Variants in PRKG1 observed in about 807,000 individuals in gnomAD.
PRKG1 encodes the protein cGMP-dependent protein kinase 1.
Under a neutral mutation model 88.1 loss-of-function variants are expected in PRKG1, and 35 were observed. The ratio of observed to expected loss-of-function variants is 0.40; its 90% CI spans 0.30 to 0.53. The LOEUF (loss-of-function observed/expected upper bound fraction) is 0.53, where lower values mean the gene tolerates loss of function less well. Ranked by LOEUF, PRKG1 falls within the 20% of genes least tolerant of loss-of-function variation. PRKG1 has a pLI of 0.59. For synonymous variants in PRKG1, 303 were observed against 292.5 expected, an observed-to-expected ratio of 1.04 and a Z score of -0.37; for missense variants, 540 against 839.8, an observed-to-expected ratio of 0.64 and a Z score of 4.41.
At chr10:51,835,550 A>T (rs748882207) in intron 4 of PRKG1, among the ~76,000 whole-genome samples, 2 of 152,198 alleles carry the variant, frequency 1.3e-5, no homozygotes, top group African/African-American at 2.4e-5. Flanking sequence ...AGTAATCCAG[A>T]ATGAAAATAT....
chr10:51,107,038 G>T (rs543576297), intron 1 of PRKG1, among the ~76,000 whole-genome samples: 2 of 152,176 alleles, frequency 1.3e-5, no homozygotes, highest in African/African-American at 4.8e-5. Flanking sequence ...ATTGAGTGGG[G>T]TAAGAGGATG....
intron 8 of PRKG1, among the ~76,000 whole-genome samples, chr10:52,151,292 A>C (rs988521708): frequency 3.9e-5 from 6 of 151,974 alleles, no homozygotes; most frequent in African/African-American, 1.5e-4. Context: ...AAAATTTTTT[A>C]ATAGATAAGA....
chr10:51,293,633 A>G (rs1051141344), intron 2 of PRKG1, among the ~76,000 whole-genome samples: 2 of 152,140 alleles, frequency 1.3e-5, no homozygotes, highest in African/African-American at 4.8e-5. Context: ...ACTGACAGAC[A>G]TTTAGATTAC....
intron 3 of PRKG1, among the ~76,000 whole-genome samples, chr10:51,542,503 CT>C (rs1564542128): frequency 1.3e-5 from 2 of 152,104 alleles, no homozygotes; most frequent in African/African-American, 4.8e-5. Context: ...AACTGACAAA[CT>C]GTAATCTTTC....
rs548541486 is a variant in PRKG1 at position 51,115,836 on chromosome 10, GA to G, written c.312-37314del. 4.4e-4 allele frequency among the ~76,000 whole-genome samples: 58 copies of G among 131,292 alleles called. 1 individual carries two copies. Among genetic ancestry groups the G allele is most frequent in the East Asian group, 6.6e-4 (3 of 4,522 alleles). 86.1% of individuals were successfully genotyped at this position (131,292 alleles called of 152,430 possible). ...GGATGACAGAGTGAGACTCCATCTC[GA>G]AAAAAAAAAAAAAGGAATGATAAAG... On this transcript the variant is annotated intron_variant, in intron 1 of 17. Coordinates refer to ENST00000373980, the MANE Select transcript of PRKG1 (RefSeq NM_006258.4).
chr10:52,168,586 A>C (rs1589668003), intron 9 of PRKG1, among the ~76,000 whole-genome samples: 3 of 152,274 alleles, frequency 2.0e-5, no homozygotes, highest in South Asian at 2.1e-4. Context: ...GTTTATATTA[A>C]AACTGGGCAC....
chr10:51,375,764 TTACTATTTTATATAAA>T (rs1421253353), intron 2 of PRKG1, among the ~76,000 whole-genome samples: 16 of 141,832 alleles, frequency 1.1e-4, no homozygotes, highest in African/African-American at 1.8e-4. Flanking sequence ...TGGGGGGGTG[TTACTATTTTATATAAA>T]GTGATCAGGG....
chr10:52,057,882 CAT>C (rs1846146949), intron 6 of PRKG1, among the ~76,000 whole-genome samples: 1 of 151,776 alleles, frequency 6.6e-6, no homozygotes, highest in Admixed American at 6.6e-5. Context: ...CTCTGAGAAA[CAT>C]TTTTTTTAAT....
intron 2 of PRKG1, among the ~76,000 whole-genome samples, chr10:51,451,918 G>A (rs1363242356): frequency 2.0e-4 from 30 of 151,918 alleles, no homozygotes; most frequent in Admixed American, 2.0e-3. Context: ...ACTGAAGGAA[G>A]AGTGAGAAGT....
intron 7 of PRKG1, among the ~76,000 whole-genome samples, chr10:52,093,804 G>A (rs1847112004): frequency 6.6e-6 from 1 of 152,124 alleles, no homozygotes; most frequent in Non-Finnish European, 1.5e-5. Flanking sequence ...TATATCATGT[G>A]GGAAGAGCTG....
chr10:51,967,296 C>T (rs1427530228), intron 5 of PRKG1, among the ~76,000 whole-genome samples: 1 of 151,998 alleles, frequency 6.6e-6, no homozygotes, highest in Non-Finnish European at 1.5e-5. Flanking sequence ...TCATTCTCAG[C>T]AAACTATTGC....
chr10:51,013,622 C>T (rs1843020853), intron 1 of PRKG1, among the ~76,000 whole-genome samples: 1 of 152,064 alleles, frequency 6.6e-6, no homozygotes, highest in African/African-American at 2.4e-5. Flanking sequence ...TATCTCCTGA[C>T]CTTGTGATCT....
At chr10:52,142,050 C>T (rs1386815727) in intron 8 of PRKG1, among the ~76,000 whole-genome samples, 44 of 152,026 alleles carry the variant, frequency 2.9e-4, no homozygotes, top group Admixed American at 2.9e-3. Flanking sequence ...TAAGACAGAT[C>T]GGGTATTCAC....
intron 2 of PRKG1, among the ~76,000 whole-genome samples, chr10:51,405,677 T>G (rs1837888433): frequency 6.6e-6 from 1 of 152,204 alleles, no homozygotes; most frequent in Admixed American, 6.5e-5. Context: ...CAGTTTCCTG[T>G]GCTTGTGTCT....
intron 3 of PRKG1, among the ~76,000 whole-genome samples, chr10:51,692,299 G>A (rs1841165005): frequency 6.6e-6 from 1 of 151,726 alleles, no homozygotes; most frequent in Non-Finnish European, 1.5e-5. Context: ...CTGGAGTGCA[G>A]TGGCGCGATC....
At chr10:51,053,851 G>T (rs1315587826) in intron 1 of PRKG1, among the ~76,000 whole-genome samples, 1 of 151,004 alleles carries the variant, frequency 6.6e-6, no homozygotes, top group Non-Finnish European at 1.5e-5. Context: ...GGTGGTTTGT[G>T]GGTTTTTATA....
At chr10:51,112,240 G>T (rs1255051012) in intron 1 of PRKG1, among the ~76,000 whole-genome samples, 1 of 151,956 alleles carries the variant, frequency 6.6e-6, no homozygotes, top group African/African-American at 2.4e-5. Flanking sequence ...AACATGTACT[G>T]GTTTCCTAGG....
intron 1 of PRKG1, among the ~76,000 whole-genome samples, chr10:51,098,508 AG>A (rs1844599393): frequency 6.6e-6 from 1 of 152,192 alleles, no homozygotes; most frequent in Non-Finnish European, 1.5e-5. Context: ...ATTCCTCTTA[AG>A]GACAGGTCAC....
At chr10:51,396,884 G>T (rs1837590516) in intron 2 of PRKG1, among the ~76,000 whole-genome samples, 1 of 152,034 alleles carries the variant, frequency 6.6e-6, no homozygotes, top group South Asian at 2.1e-4. Context: ...ATTTAAGGGG[G>T]TGCCAAAGAC....
Sources: allele counts gnomAD v4.1 joint callset (sites outside exome capture counted in the v4.1 genomes callset), GRCh38; gene constraint gnomAD v4.1.1; transcripts MANE v1.5; gene names NCBI Gene and HGNC (gene_info 2026-07-23, HGNC 2026-07-21).